Variants in ABCD3 observed in about 807,000 individuals in gnomAD.
The protein encoded by ABCD3 is ATP binding cassette subfamily D member 3, also known as ATP-binding cassette sub-family D member 3.
In ABCD3, 41 loss-of-function variants were observed where a neutral mutation model predicts 105.5. The observed-to-expected ratio is 0.39, with a 90% confidence interval of 0.30 to 0.50. The LOEUF is 0.50. ABCD3 is among the 20% of genes least tolerant of loss of function. ABCD3 has a pLI of 0.84. For synonymous variants in ABCD3, 258 were observed against 269.0 expected, an observed-to-expected ratio of 0.96 and a Z score of 0.40; for missense variants, 622 against 806.3, an observed-to-expected ratio of 0.77 and a Z score of 2.77.
intron 1 of ABCD3, among the ~76,000 whole-genome samples, chr1:94,446,543 G>A (rs193127466): frequency 4.6e-4 from 70 of 152,318 alleles, no homozygotes; most frequent in East Asian, 4.4e-3. Context: ...TGATTGTGCC[G>A]TATGTGGAAA....
At chr1:94,469,679 T>A (rs1399807020) in intron 4 of ABCD3, among the ~76,000 whole-genome samples, 3 of 146,038 alleles carry the variant, frequency 2.1e-5, no homozygotes, top group Non-Finnish European at 4.5e-5. Context: ...TTTTTTTTTT[T>A]TTTTGAGATG....
chr1:94,482,577 T>G (rs2147795), intron 9 of ABCD3: 1 of 152,360 alleles, frequency 6.6e-6, no homozygotes, highest in African/African-American at 2.4e-5. Context: ...ATAAAATACC[T>G]TTTTTTTCTA....
intron 10 of ABCD3, 91 bp downstream of exon 10, chr1:94,483,330 CACAA>C: frequency 1.1e-6 from 1 of 895,700 alleles, no homozygotes; most frequent in Non-Finnish European, 1.9e-6. Context: ...TACACACACA[CACAA>C]ACACACACGT....
At chr1:94,433,939 G>C (rs146724443) in intron 1 of ABCD3, among the ~76,000 whole-genome samples, 71 of 152,154 alleles carry the variant, frequency 4.7e-4, no homozygotes, top group African/African-American at 1.6e-3. Context: ...ATGAGCCACT[G>C]CTCCCAGCCT....
chr1:94,413,920 A>C (rs1460694180), upstream of ABCD3, among the ~76,000 whole-genome samples: 1 of 152,248 alleles, frequency 6.6e-6, no homozygotes, highest in East Asian at 1.9e-4. Context: ...GACTGGTCAC[A>C]GATGACTGTT....
intron 1 of ABCD3, among the ~76,000 whole-genome samples, chr1:94,429,167 G>A (rs1659581453): frequency 6.6e-6 from 1 of 152,210 alleles, no homozygotes; most frequent in Admixed American, 6.5e-5. Context: ...TTGAACTTGA[G>A]AGAGGTGATT....
intron 16 of ABCD3, among the ~76,000 whole-genome samples, chr1:94,495,109 G>T (rs189743885): frequency 2.0e-5 from 3 of 152,192 alleles, no homozygotes; most frequent in Non-Finnish European, 1.5e-5. Flanking sequence ...AAGTTACTAA[G>T]ATTTTTACCT....
intron 21 of ABCD3, among the ~76,000 whole-genome samples, chr1:94,509,743 C>T (rs1650567589): frequency 6.6e-6 from 1 of 152,150 alleles, no homozygotes; most frequent in South Asian, 2.1e-4. Context: ...AGGAATTTAT[C>T]CATTTCTTCT....
At chr1:94,477,912 T>A (rs765118118) in intron 7 of ABCD3, among the ~76,000 whole-genome samples, 2 of 152,168 alleles carry the variant, frequency 1.3e-5, no homozygotes, top group Non-Finnish European at 2.9e-5. Flanking sequence ...CTCAGGTCAT[T>A]TTATTCAGTG....
Position 94,509,059 on chromosome 1 carries a change from G to C in ABCD3, c.1845+2417G>C, listed in dbSNP as rs551705312. 5.2e-3 allele frequency among the ~76,000 whole-genome samples: 793 copies of C among 152,212 alleles called. 8 individuals are homozygous for C. Among genetic ancestry groups the C allele is most frequent in the African/African-American group, 0.018 (747 of 41,526 alleles). On this transcript the variant is annotated intron_variant, in intron 21 of 22. Coordinates refer to ENST00000370214, the MANE Select transcript of ABCD3 (RefSeq NM_002858.4). Reference sequence around the variant, plus strand: ...TGGTGAGAGAGGGCATCCCTGTCTTGTGCCAGTTTTCAAAGGGAATGCTTC... The same window carrying C: ...TGGTGAGAGAGGGCATCCCTGTCTTCTGCCAGTTTTCAAAGGGAATGCTTC...
chr1:94,425,614 A>C (rs1192884296), intron 1 of ABCD3, among the ~76,000 whole-genome samples: 1 of 152,352 alleles, frequency 6.6e-6, no homozygotes, highest in East Asian at 1.9e-4. Flanking sequence ...GGGCATTCTT[A>C]AACTACACAG....
At chr1:94,417,073 T>G (rs534016621), upstream of ABCD3, among the ~76,000 whole-genome samples, 113 of 152,360 alleles carry the variant, frequency 7.4e-4, no homozygotes, top group Non-Finnish European at 1.4e-3. Context: ...TTTCTCCTAT[T>G]AATTTTTTCT....
At chr1:94,462,713 A>G (rs1647938878) in intron 2 of ABCD3, among the ~76,000 whole-genome samples, 1 of 152,170 alleles carries the variant, frequency 6.6e-6, no homozygotes, top group South Asian at 2.1e-4. Flanking sequence ...AGTAGCTAGA[A>G]ACAGGTGGTC....
At chr1:94,490,957 A>G (rs1379092338) in intron 15 of ABCD3, among the ~76,000 whole-genome samples, 1 of 152,044 alleles carries the variant, frequency 6.6e-6, no homozygotes, top group Admixed American at 6.6e-5. Context: ...TAGTCATCCT[A>G]ACAGGTGAGA....
the ABCD3 span, among the ~76,000 whole-genome samples, chr1:94,404,165 C>T: frequency 1.3e-5 from 2 of 151,988 alleles, no homozygotes; most frequent in Non-Finnish European, 2.9e-5. Context: ...TTTTTTTGTC[C>T]CTTCTTCGTC....
Position 94,518,107 on chromosome 1 carries a change from A to G in ABCD3, c.*978A>G, listed in dbSNP as rs372844318. 37 of 152,090 alleles carry G rather than the reference A, an allele frequency of 2.4e-4. No homozygotes were observed. The highest frequency in any genetic ancestry group is 8.9e-4 in the African/African-American group (37 of 41,526). 9.4% of individuals were successfully genotyped at this position (152,090 alleles called of 1,614,324 possible). On this transcript the variant is annotated 3_prime_UTR_variant, in exon 23 of 23. Transcript: ENST00000370214. ...TATGTTCTAAAATTATTATATATAC[A>G]TGGGTGAATTATGTTTCCGAGGCAC...
intron 2 of ABCD3, among the ~76,000 whole-genome samples, chr1:94,460,913 T>G (rs1226421198): frequency 6.6e-6 from 1 of 152,188 alleles, no homozygotes; most frequent in Non-Finnish European, 1.5e-5. Context: ...TCATATCTCT[T>G]ATTTGCATAT....
At chr1:94,395,461 C>T in the ABCD3 span, among the ~76,000 whole-genome samples, 1 of 152,168 alleles carries the variant, frequency 6.6e-6, no homozygotes, top group Non-Finnish European at 1.5e-5. Context: ...GAGGACTTCC[C>T]AGCAGGAACC....
intron 1 of ABCD3, among the ~76,000 whole-genome samples, chr1:94,446,061 C>T (rs1049469279): frequency 1.3e-5 from 2 of 152,168 alleles, no homozygotes; most frequent in African/African-American, 4.8e-5. Flanking sequence ...TAGAAAAAAT[C>T]AGCGAATCAG....
Sources: allele counts gnomAD v4.1 joint callset (sites outside exome capture counted in the v4.1 genomes callset), GRCh38; gene constraint gnomAD v4.1.1; transcripts MANE v1.5; gene names NCBI Gene and HGNC (gene_info 2026-07-23, HGNC 2026-07-21).